Variants in BPIFB1 observed in about 807,000 individuals in gnomAD.
BPIFB1 encodes BPI fold containing family B member 1, also known as BPI fold-containing family B member 1.
A neutral mutation model predicts 55.1 loss-of-function variants in BPIFB1; 34 were observed. The observed-to-expected ratio is 0.62, with a 90% CI of 0.47 to 0.82. The LOEUF (loss-of-function observed/expected upper bound fraction) is 0.82, where lower values mean the gene tolerates loss of function less well. Ranked by LOEUF, BPIFB1 falls within the 40% of genes least tolerant of loss-of-function variation. BPIFB1 has a pLI of 0.00. For synonymous variants in BPIFB1, 236 were observed against 245.3 expected (o/e 0.96, Z 0.35); for missense variants, 532 against 593.1 (o/e 0.90, Z 1.07).
At chr20:33,286,955 C>T (rs1418846127) in intron 2 of BPIFB1, among the ~76,000 whole-genome samples, 2 of 152,244 alleles carry the variant, frequency 1.3e-5, no homozygotes, top group Admixed American at 6.5e-5. Flanking sequence ...CTGGAGGCCA[C>T]TTGAGCACTT....
rs202135009 is a variant in BPIFB1 at position 33,289,965 on chromosome 20, C to G, written c.338C>G (p.Pro113Arg). Residue 113 changes from proline to arginine, a missense_variant, in exon 4 of 16, where the codon CCC (proline) becomes CGC (arginine). Pro to Arg is a moderately radical substitution (Grantham distance 103). Transcript: ENST00000253354. ...ANDQELLVKI[P>R]LDMVAGFNTP... ...GACCAGGAGCTGCTAGTCAAGATCC[C>G]CCTGGACATGGTGGCTGGATTCAAC... The G allele has an allele frequency of 1.2e-6, 2 of 1,614,150 alleles. No homozygotes were observed. Among genetic ancestry groups the G allele is most frequent in the Non-Finnish European group, 1.7e-6 (2 of 1,180,010 alleles).
chr20:33,286,240 A>G (rs756921259), intron 2 of BPIFB1, 52 bp downstream of exon 2: 3 of 1,503,770 alleles, frequency 2.0e-6, no homozygotes, highest in South Asian at 2.3e-5. Flanking sequence ...GGGTAGGTGG[A>G]GCAGCTTCCC....
intron 13 of BPIFB1, 109 bp from the exon 14 acceptor site, chr20:33,305,893 A>AT (rs905429038): frequency 2.4e-6 from 3 of 1,236,134 alleles, no homozygotes; most frequent in African/African-American, 3.0e-5. Flanking sequence ...GAATTCCTAC[A>AT]TCTCCACCAG....
At chr20:33,305,694 C>T (rs551844325) in intron 13 of BPIFB1, among the ~76,000 whole-genome samples, 20 of 152,238 alleles carry the variant, frequency 1.3e-4, no homozygotes, top group African/African-American at 4.8e-4. Flanking sequence ...GAAGTTCAGG[C>T]AATGCAGGGC....
At position 33,291,901 on chromosome 20, in the gene BPIFB1, T is replaced by C. The variant is rs1400728008; in HGVS notation, c.516-6T>C. 2 of 1,613,686 alleles carry C rather than the reference T, an allele frequency of 1.2e-6. No homozygotes were observed. The highest frequency in any genetic ancestry group is 1.3e-5 in the African/African-American group (1 of 75,054). On this transcript the variant is annotated splice_region_variant and splice_polypyrimidine_tract_variant and intron_variant, in intron 5 of 15. Transcript: ENST00000253354. ...CTAATGTCTCTCGTGCTCTCTTCCC[T>C]GAAAGGCTCTCCTTCCTGGTGAACG...
chr20:33,306,867 C>A, intron 14 of BPIFB1, 44 bp from the exon 15 acceptor site: 1 of 1,556,958 alleles, frequency 6.4e-7, no homozygotes, highest in Non-Finnish European at 8.9e-7. Context: ...GCTGCCCAGT[C>A]TCACCCCAGG....
At chr20:33,285,982 A>G (rs1396708489) in intron 1 of BPIFB1, 51 bp from the exon 2 acceptor site, 1 of 1,226,608 alleles carries the variant, frequency 8.2e-7, no homozygotes, top group Non-Finnish European at 1.2e-6. Context: ...ACCGGGCATC[A>G]TGGGCCTGCC....
chr20:33,286,205 C>T lies in BPIFB1; in HGVS notation c.115+17C>T, dbSNP rs373309112. The T allele has an allele frequency of 1.4e-4, 220 of 1,610,426 alleles. No individual in the cohort carries two copies. The highest frequency in any genetic ancestry group is 1.8e-4 in the Non-Finnish European group (206 of 1,176,838). On this transcript the variant is annotated intron_variant, in intron 2 of 15. Transcript: ENST00000253354. The stretch of plus-strand genomic sequence containing the variant: ...TCAAAGAAAGTAAGTTTTGTCCCTC[C>T]GGAGCTGGCTGCCATAAGACAAGGG...
intron 11 of BPIFB1, among the ~76,000 whole-genome samples, 194 bp downstream of exon 11, chr20:33,303,268 ATC>A (rs1186332792): frequency 1.3e-5 from 2 of 152,176 alleles, no homozygotes; most frequent in African/African-American, 4.8e-5. Context: ...TTAGTCAGGA[ATC>A]TCTGGACAGA....
At position 33,291,948 on chromosome 20, in the gene BPIFB1, ACCTCCTAGTG is replaced by A. The variant is rs1275744849; in HGVS notation, c.560_569del (p.Leu187HisfsTer6). ...AACGCCTTAGCTAAGCAGGTCATGA[ACCTCCTAGTG>A]CCATCCCTGCCCAATCTAGTGAAAA... On this transcript the variant is annotated frameshift_variant, in exon 6 of 16. Transcript: ENST00000253354. LOFTEE classifies it high-confidence loss of function. The A allele has an allele frequency of 2.5e-6, 4 of 1,613,940 alleles. No homozygotes were observed. Among genetic ancestry groups the A allele is most frequent in the Non-Finnish European group, 3.4e-6 (4 of 1,180,018 alleles).
At chr20:33,301,696 C>T (rs1436519532) in intron 9 of BPIFB1, among the ~76,000 whole-genome samples, 1 of 152,196 alleles carries the variant, frequency 6.6e-6, no homozygotes. Context: ...ATGCAGTAGT[C>T]CAGGGGTGAT....
chr20:33,297,539 C>G lies in BPIFB1; in HGVS notation c.612C>G (p.Ile204Met), dbSNP rs762600251. 6.2e-7 allele frequency: 1 copy of G among 1,614,214 alleles called. No homozygotes were observed. The highest frequency in any genetic ancestry group is 8.5e-7 in the Non-Finnish European group (1 of 1,180,030). ...NLVKNQLCPVIEASFNGMYAD... is the reference protein window; with the variant it reads ...NLVKNQLCPVMEASFNGMYAD... ...TGCTGTTGCAGCTGTGTCCCGTGAT[C>G]GAGGCTTCCTTCAATGGCATGTATG... The change falls in exon 7 of 16, where the codon ATC becomes ATG. Residue 204 changes from isoleucine (I) to methionine (M), a missense_variant. Ile to Met is a conservative substitution (Grantham distance 10). Transcript: ENST00000253354.
chr20:33,295,627 G>A (rs1298403891), intron 6 of BPIFB1, among the ~76,000 whole-genome samples: 2 of 130,434 alleles, frequency 1.5e-5, no homozygotes, highest in Non-Finnish European at 3.0e-5. Flanking sequence ...AGACTCGAAA[G>A]AAGAAAGAAA....
At position 33,288,871 on chromosome 20, in the gene BPIFB1, G is replaced by A. The variant is rs1424499070; in HGVS notation, c.246G>A (p.Lys82=). The A allele has an allele frequency of 6.2e-7, 1 of 1,613,526 alleles. No homozygotes were observed. Among genetic ancestry groups the A allele is most frequent in the African/African-American group, 1.3e-5 (1 of 75,052 alleles). ...VLGSLVNTVL[K]HIIWLKVITA... ...GCAGCCTGGTGAACACCGTCCTGAAGCACATCATCTGGTGAGTGGAGCAGG... is the reference window on the plus strand; with the variant it reads ...GCAGCCTGGTGAACACCGTCCTGAAACACATCATCTGGTGAGTGGAGCAGG... The change falls in exon 3 of 16, where the codon AAG becomes AAA. Residue 82 remains lysine, a synonymous_variant. Transcript: ENST00000253354.
In BPIFB1 at chr20:33,290,944, C is replaced by T. The variant is rs369142371; in HGVS notation, c.366-13C>T. 2.0e-5 allele frequency: 33 copies of T among 1,612,850 alleles called. No individual in the cohort carries two copies. Among genetic ancestry groups the T allele is most frequent in the Non-Finnish European group, 2.6e-5 (31 of 1,179,696 alleles). On this transcript the variant is annotated splice_polypyrimidine_tract_variant and intron_variant, in intron 4 of 15. Transcript: ENST00000253354. ...GCCTGGTGCTCACATGGTCAGGTGC[C>T]TCCACCCGCTAGGCCCCTGGTCAAG...
intron 4 of BPIFB1, among the ~76,000 whole-genome samples, chr20:33,290,692 G>A (rs998148356): frequency 5.3e-5 from 8 of 152,310 alleles, no homozygotes; most frequent in East Asian, 1.9e-4. Flanking sequence ...TGTTGCATGC[G>A]CTAAACTTGA....
At chr20:33,295,866 GAAGGGGA>G (rs1980633756) in intron 6 of BPIFB1, among the ~76,000 whole-genome samples, 1 of 138,852 alleles carries the variant, frequency 7.2e-6, no homozygotes, top group Non-Finnish European at 1.6e-5. Context: ...AAGAAGGAAG[GAAGGGGA>G]TTGGGAAGGG....
Position 33,306,027 on chromosome 20 carries a change from C to T in BPIFB1, c.1280C>T (p.Thr427Ile). Reference sequence around the variant, plus strand: ...CCTGATGTTCTGAAAAACATCATCACTGAGATCATCCACTCCATCCTGCTG... The same window carrying T: ...CCTGATGTTCTGAAAAACATCATCATTGAGATCATCCACTCCATCCTGCTG... The part of the protein sequence containing the change: ...FQPDVLKNII[T>I]EIIHSILLPN... The change falls in exon 14 of 16, where the codon ACT becomes ATT. Residue 427 changes from threonine (T) to isoleucine (I), a missense_variant. Coordinates refer to ENST00000253354, the MANE Select transcript of BPIFB1 (RefSeq NM_033197.3). 6.2e-7 allele frequency: 1 copy of T among 1,614,202 alleles called. No individual in the cohort carries two copies. Among genetic ancestry groups the T allele is most frequent in the Non-Finnish European group, 8.5e-7 (1 of 1,180,044 alleles).
At chr20:33,302,822 G>T (rs1262158844) in intron 10 of BPIFB1, 94 bp from the exon 11 acceptor site, 4 of 1,424,422 alleles carry the variant, frequency 2.8e-6, no homozygotes, top group African/African-American at 2.8e-5. Flanking sequence ...GGAGCAGGGA[G>T]CCCAGGAAGG....
Sources: allele counts gnomAD v4.1 joint callset (sites outside exome capture counted in the v4.1 genomes callset), GRCh38; gene constraint gnomAD v4.1.1; transcripts MANE v1.5; gene names NCBI Gene and HGNC (gene_info 2026-07-23, HGNC 2026-07-21).